The following GRIA3 variants were observed in gnomAD, a reference collection of about 807,000 sequenced individuals.
The protein encoded by GRIA3 is glutamate ionotropic receptor AMPA type subunit 3, also known as glutamate receptor 3.
In GRIA3, 3 loss-of-function variants were observed where a neutral mutation model predicts 63.0. That is an observed-to-expected ratio of 0.05 (90% confidence interval 0.02 to 0.12). GRIA3 has a LOEUF of 0.12. Among genes scored for constraint, GRIA3 ranks in the 10% least tolerant of loss-of-function variants. The pLI is 1.00. For missense variants in GRIA3, 347 were observed against 700.9 expected, an observed-to-expected ratio of 0.50 and a Z score of 5.70; for synonymous variants, 274 against 257.9, an observed-to-expected ratio of 1.06 and a Z score of -0.60.
intron 4 of GRIA3, among the ~76,000 whole-genome samples, chrX:123,332,098 G>C (rs2044945022): frequency 9.0e-6 from 1 of 111,393 alleles, no homozygotes; most frequent in African/African-American, 3.3e-5. Context: ...CATATCATGA[G>C]AGCAAAGTCT....
At chrX:123,217,288 G>T (rs1368823430) in intron 2 of GRIA3, among the ~76,000 whole-genome samples, 1 of 111,354 alleles carries the variant, frequency 9.0e-6, no homozygotes, top group Non-Finnish European at 1.9e-5. Flanking sequence ...TCGTAAGGCA[G>T]CCAAGGAAAA....
chrX:123,395,197 C>A, intron 6 of GRIA3, 68 bp downstream of exon 6: 1 of 887,515 alleles, frequency 1.1e-6, no homozygotes, highest in Non-Finnish European at 1.7e-6. Context: ...GATCTTTATA[C>A]ACTAACAGTC....
At chrX:123,197,809 C>A (rs940377283) in intron 2 of GRIA3, among the ~76,000 whole-genome samples, 2 of 112,460 alleles carry the variant, frequency 1.8e-5, no homozygotes, top group East Asian at 5.6e-4. Context: ...AGACCTTGGG[C>A]AAGTTACTTA....
intron 11 of GRIA3, among the ~76,000 whole-genome samples, chrX:123,424,339 T>C (rs930311350): frequency 4.5e-5 from 5 of 111,633 alleles, no homozygotes; most frequent in African/African-American, 1.6e-4. Flanking sequence ...TGAGAAAAGG[T>C]AAATGTAAAA....
At chrX:123,186,083 T>C in intron 2 of GRIA3, 93 bp downstream of exon 2, 2 of 724,834 alleles carry the variant, frequency 2.8e-6, no homozygotes, top group Non-Finnish European at 4.4e-6. Flanking sequence ...TGCTGGGAGA[T>C]GATTGCTTCA....
chrX:123,217,077 C>T (rs966978518), intron 2 of GRIA3, among the ~76,000 whole-genome samples: 1 of 111,585 alleles, frequency 9.0e-6, no homozygotes, highest in Non-Finnish European at 1.9e-5. Flanking sequence ...CCTGTCCCCC[C>T]GGTAGTGTTC....
At chrX:123,307,076 A>G (rs1350253003) in intron 3 of GRIA3, among the ~76,000 whole-genome samples, 1 of 111,500 alleles carries the variant, frequency 9.0e-6, no homozygotes, top group Non-Finnish European at 1.9e-5. Flanking sequence ...TTCCAATCCA[A>G]AAAGCTCAAA....
intron 2 of GRIA3, among the ~76,000 whole-genome samples, chrX:123,245,611 C>T (rs902887351): frequency 7.2e-5 from 8 of 111,021 alleles, no homozygotes; most frequent in African/African-American, 2.0e-4. Flanking sequence ...ACTGGAAATC[C>T]GAGAGGAGAG....
At chrX:123,309,741 C>A (rs2044778253) in intron 3 of GRIA3, among the ~76,000 whole-genome samples, 1 of 111,493 alleles carries the variant, frequency 9.0e-6, no homozygotes, top group Admixed American at 9.5e-5. Context: ...CCAGAAGGGC[C>A]CCACACCTAC....
chrX:123,370,085 C>A (rs770398774), intron 5 of GRIA3, among the ~76,000 whole-genome samples: 1 of 111,524 alleles, frequency 9.0e-6, no homozygotes, highest in African/African-American at 3.3e-5. Flanking sequence ...ACCTACAATT[C>A]GCAAGTGGTC....
At chrX:123,193,260 G>C (rs1032865161) in intron 2 of GRIA3, among the ~76,000 whole-genome samples, 1 of 110,230 alleles carries the variant, frequency 9.1e-6, no homozygotes, top group African/African-American at 3.3e-5. Context: ...GGGTGACACT[G>C]TCTTGGCTTC....
chrX:123,460,091 T>C (rs943518506), intron 12 of GRIA3, among the ~76,000 whole-genome samples: 1 of 112,198 alleles, frequency 8.9e-6, no homozygotes, highest in African/African-American at 3.2e-5. Flanking sequence ...AAGGGCCTGC[T>C]TCAAGCACTG....
intron 2 of GRIA3, among the ~76,000 whole-genome samples, chrX:123,247,997 ACATCTATAACAGTGC>A (rs2044368840): frequency 8.9e-6 from 1 of 112,288 alleles, no homozygotes; most frequent in African/African-American, 3.2e-5. Flanking sequence ...GTATCTCCCA[ACATCTATAACAGTGC>A]CTGACACATA....
chrX:123,393,866 T>C (rs914791770), intron 5 of GRIA3, among the ~76,000 whole-genome samples: 20 of 112,071 alleles, frequency 1.8e-4, no homozygotes, highest in African/African-American at 6.2e-4. Context: ...AACACATTAA[T>C]AGTAATTAGC....
intron 4 of GRIA3, among the ~76,000 whole-genome samples, chrX:123,330,106 T>C (rs1442943150): frequency 8.9e-6 from 1 of 112,049 alleles, no homozygotes; most frequent in African/African-American, 3.2e-5. Flanking sequence ...GTGATAACTG[T>C]ACTATGATGA....
chrX:123,334,004 T>C lies in GRIA3; in HGVS notation c.696+7791T>C, dbSNP rs753760821. On this transcript the variant is annotated intron_variant, in intron 4 of 15. Coordinates refer to ENST00000620443, the MANE Select transcript of GRIA3 (RefSeq NM_007325.5). ...AAATCGTGGTCACTATTTCTTAATC[T>C]AATGACATGGCAATTTGATGCTATT... Among the ~76,000 whole-genome samples, 18 of 112,029 alleles carry C rather than the reference T, an allele frequency of 1.6e-4. No individual in the cohort carries two copies. In the South Asian group the frequency reaches 6.7e-3, roughly 42 times the overall value.
intron 12 of GRIA3, among the ~76,000 whole-genome samples, chrX:123,450,986 T>A (rs1419745003): frequency 1.8e-5 from 2 of 111,811 alleles, no homozygotes; most frequent in African/African-American, 6.5e-5. Flanking sequence ...AGGAAGAAGG[T>A]CCATGTGCTA....
At chrX:123,419,259 A>G (rs2045551624) in intron 11 of GRIA3, among the ~76,000 whole-genome samples, 1 of 110,903 alleles carries the variant, frequency 9.0e-6, no homozygotes, top group African/African-American at 3.3e-5. Context: ...AATACAAAAA[A>G]TTAGCTGGGC....
intron 12 of GRIA3, among the ~76,000 whole-genome samples, chrX:123,436,764 C>T (rs2045646594): frequency 2.7e-5 from 3 of 111,371 alleles, no homozygotes; most frequent in African/African-American, 6.5e-5. Flanking sequence ...TTTGTAAGAA[C>T]TCTGAAACTC....
Sources: gnomAD v4.1 joint callset for allele counts (sites outside exome capture counted in the v4.1 genomes callset) on GRCh38, gnomAD v4.1.1 for gene constraint, MANE v1.5 for transcripts, NCBI Gene and HGNC (gene_info 2026-07-23, HGNC 2026-07-21) for gene names.